MINDY4: variants seen among roughly 807,000 people sequenced by gnomAD.
MINDY4 encodes MINDY lysine 48 deubiquitinase 4.
In MINDY4, 68 loss-of-function variants were observed where a neutral mutation model predicts 87.0. That is an observed-to-expected ratio of 0.78 (90% CI 0.64 to 0.96). The LOEUF is 0.96. Among genes scored for constraint, MINDY4 ranks in the 40% least tolerant of loss-of-function variants. The pLI is 0.00. For synonymous variants in MINDY4, 379 were observed against 363.2 expected (o/e 1.04, Z -0.50); for missense variants, 919 against 928.2 (o/e 0.99, Z 0.13).
At chr7:30,866,202 CG>C (rs1175728463) in intron 13 of MINDY4, among the ~76,000 whole-genome samples, 1 of 152,220 alleles carries the variant, frequency 6.6e-6, no homozygotes, top group Non-Finnish European at 1.5e-5. Flanking sequence ...TCAAGACCCT[CG>C]GTCCTGTGTG....
intron 5 of MINDY4, among the ~76,000 whole-genome samples, chr7:30,824,300 A>G (rs887280226): frequency 2.0e-5 from 3 of 152,106 alleles, no homozygotes; most frequent in South Asian, 2.1e-4. Flanking sequence ...AAAGCCACCA[A>G]TCCCACTCCC....
intron 12 of MINDY4, among the ~76,000 whole-genome samples, chr7:30,856,583 T>C (rs1584321723): frequency 6.6e-6 from 1 of 151,918 alleles, no homozygotes; most frequent in African/African-American, 2.4e-5. Flanking sequence ...TTACAGGCAT[T>C]GGCGGAAGGG....
At chr7:30,813,999 T>C (rs1242708887) in intron 5 of MINDY4, among the ~76,000 whole-genome samples, 5 of 152,100 alleles carry the variant, frequency 3.3e-5, no homozygotes, top group Non-Finnish European at 7.4e-5. Flanking sequence ...AGAGAATCAG[T>C]CTCTGTGCCC....
intron 3 of MINDY4, among the ~76,000 whole-genome samples, chr7:30,784,121 A>C (rs1157035438): frequency 1.3e-5 from 2 of 150,032 alleles, no homozygotes; most frequent in Non-Finnish European, 3.0e-5. Context: ...AGCAATTAGC[A>C]CAAGGATTCA....
intron 15 of MINDY4, among the ~76,000 whole-genome samples, 184 bp from the exon 16 acceptor site, chr7:30,881,997 G>A (rs1205942240): frequency 6.6e-6 from 1 of 152,142 alleles, no homozygotes; most frequent in Non-Finnish European, 1.5e-5. Flanking sequence ...GGGGTGGCAG[G>A]GCAGGGATGG....
chr7:30,837,954 TC>T (rs1788910885), intron 7 of MINDY4, among the ~76,000 whole-genome samples: 1 of 152,172 alleles, frequency 6.6e-6, no homozygotes, highest in South Asian at 2.1e-4. Flanking sequence ...AAGAGATTTT[TC>T]CTTATATTTA....
At chr7:30,863,827 G>A (rs990111958) in intron 13 of MINDY4, among the ~76,000 whole-genome samples, 2 of 152,230 alleles carry the variant, frequency 1.3e-5, no homozygotes, top group Non-Finnish European at 2.9e-5. Context: ...TCTTTTCTAA[G>A]ATCTCGAATT....
At chr7:30,885,039 A>G (rs748761153) in intron 17 of MINDY4, among the ~76,000 whole-genome samples, 1 of 152,246 alleles carries the variant, frequency 6.6e-6, no homozygotes, top group African/African-American at 2.4e-5. Context: ...CTGCCCTCAC[A>G]TCTGCTTAGT....
At chr7:30,851,120 G>T (rs1789401454) in intron 10 of MINDY4, among the ~76,000 whole-genome samples, 1 of 152,224 alleles carries the variant, frequency 6.6e-6, no homozygotes, top group Non-Finnish European at 1.5e-5. Flanking sequence ...TGCAAGGTTT[G>T]CTGGGTCTTC....
At chr7:30,842,323 C>G (rs1789066620) in intron 9 of MINDY4, among the ~76,000 whole-genome samples, 1 of 152,156 alleles carries the variant, frequency 6.6e-6, no homozygotes, top group Non-Finnish European at 1.5e-5. Context: ...GAAGTTCAGC[C>G]CCACAAAGGG....
At chr7:30,841,736 T>C (rs1051554636) in intron 9 of MINDY4, among the ~76,000 whole-genome samples, 2 of 152,164 alleles carry the variant, frequency 1.3e-5, no homozygotes, top group African/African-American at 4.8e-5. Context: ...CATGAACACA[T>C]TGTCTAGATT....
intron 11 of MINDY4, 121 bp downstream of exon 11, chr7:30,852,400 G>C: frequency 6.5e-7 from 1 of 1,531,304 alleles, no homozygotes; most frequent in Non-Finnish European, 8.8e-7. Flanking sequence ...CAGGTCCCAG[G>C]AATCCTCATC....
Position 30,794,087 on chromosome 7 carries a change from C to T in MINDY4, c.1073+2513C>T, listed in dbSNP as rs573713727. Among the ~76,000 whole-genome samples, 13 of 152,140 alleles carry T rather than the reference C, an allele frequency of 8.5e-5. No individual in the cohort carries two copies. In the South Asian group the frequency reaches 1.2e-3, roughly 15 times the overall value. ...TTTCAGCTCTCTCTCACTGCCTCAG[C>T]GAGGCGTCTTTGTGTAGTGCACATA... On this transcript the variant is annotated intron_variant, in intron 5 of 17. Coordinates refer to ENST00000265299, the MANE Select transcript of MINDY4 (RefSeq NM_032222.3).
chr7:30,862,801 C>G (rs779124213), intron 13 of MINDY4, among the ~76,000 whole-genome samples: 1 of 152,240 alleles, frequency 6.6e-6, no homozygotes, highest in African/African-American at 2.4e-5. Flanking sequence ...TGTGGCTAAC[C>G]CAGCCTGTGC....
chr7:30,853,556 T>C, intron 12 of MINDY4, 97 bp downstream of exon 12: 1 of 1,118,664 alleles, frequency 8.9e-7, no homozygotes, highest in Non-Finnish European at 1.3e-6. Context: ...TCTCCTGTCG[T>C]CCCACCCTGG....
At chr7:30,841,581 A>G (rs746045517) in intron 9 of MINDY4, among the ~76,000 whole-genome samples, 3 of 152,182 alleles carry the variant, frequency 2.0e-5, no homozygotes, top group Non-Finnish European at 2.9e-5. Flanking sequence ...CCCGGTTACC[A>G]GCTTGTACCG....
At chr7:30,890,163 T>G (rs1225820468) in intron 17 of MINDY4, among the ~76,000 whole-genome samples, 1 of 152,250 alleles carries the variant, frequency 6.6e-6, no homozygotes, top group African/African-American at 2.4e-5. Context: ...CATTCCTGGC[T>G]GAGCGTGTTT....
chr7:30,810,032 C>T (rs1255031157), intron 5 of MINDY4, among the ~76,000 whole-genome samples: 1 of 151,492 alleles, frequency 6.6e-6, no homozygotes, highest in Non-Finnish European at 1.5e-5. Context: ...AAAAATTAGC[C>T]AGTCATGGTG....
At chr7:30,840,941 G>A in intron 9 of MINDY4, 93 bp downstream of exon 9, 1 of 1,107,488 alleles carries the variant, frequency 9.0e-7, no homozygotes, top group Non-Finnish European at 1.3e-6. Flanking sequence ...TGTGTTCCCT[G>A]ATATTTCCTG....
Sources: gnomAD v4.1 joint callset for allele counts (sites outside exome capture counted in the v4.1 genomes callset) on GRCh38, gnomAD v4.1.1 for gene constraint, MANE v1.5 for transcripts, NCBI Gene and HGNC (gene_info 2026-07-23, HGNC 2026-07-21) for gene names.